Variants in LDLRAD3 observed in about 807,000 individuals in gnomAD.
LDLRAD3 encodes the protein low-density lipoprotein receptor class A domain-containing protein 3.
In LDLRAD3, 20 loss-of-function variants were observed where a neutral mutation model predicts 29.4. The observed-to-expected ratio is 0.68, with a 90% CI of 0.48 to 0.99. The LOEUF is 0.99. Ranked by LOEUF, LDLRAD3 falls within the 50% of genes least tolerant of loss-of-function variation. The pLI is 0.00. For missense variants in LDLRAD3, 420 were observed against 454.3 expected, an observed-to-expected ratio of 0.92 and a Z score of 0.69; for synonymous variants, 157 against 192.7, an observed-to-expected ratio of 0.81 and a Z score of 1.53.
At chr11:35,973,396 A>C (rs1851439566) in intron 1 of LDLRAD3, among the ~76,000 whole-genome samples, 1 of 152,146 alleles carries the variant, frequency 6.6e-6, no homozygotes, top group South Asian at 2.1e-4. Flanking sequence ...TGTCATTCTA[A>C]ATACCTGTAG....
In LDLRAD3 at chr11:36,158,867, G is replaced by A. The variant is rs1481197872; in HGVS notation, c.454+60406G>A. 2.0e-5 allele frequency among the ~76,000 whole-genome samples: 3 copies of A among 152,154 alleles called. No individual in the cohort carries two copies. The East Asian group carries it at 5.8e-4, about 29-fold the overall frequency. ...GTGTTGTAATCCATGTATACGTTGT[G>A]TAATGATCAAATCAGGGTAATTGGC... On this transcript the variant is annotated intron_variant, in intron 4 of 5. Transcript: ENST00000315571.
At chr11:35,953,529 G>T (rs183214815) in intron 1 of LDLRAD3, among the ~76,000 whole-genome samples, 2 of 152,288 alleles carry the variant, frequency 1.3e-5, no homozygotes, top group East Asian at 3.9e-4. Flanking sequence ...TGTCCTCTTT[G>T]ATGGCATTAC....
At chr11:36,129,434 A>G (rs553277231) in intron 4 of LDLRAD3, among the ~76,000 whole-genome samples, 107 of 152,276 alleles carry the variant, frequency 7.0e-4, no homozygotes, top group African/African-American at 2.5e-3. Flanking sequence ...TAGAAGGCCA[A>G]TATGAAAGTT....
intron 4 of LDLRAD3, among the ~76,000 whole-genome samples, chr11:36,129,991 T>C (rs547221362): frequency 3.3e-5 from 5 of 152,348 alleles, no homozygotes; most frequent in African/African-American, 1.2e-4. Context: ...TTGTTGTTCA[T>C]TGCAGTATCC....
chr11:36,171,805 G>C (rs60865182), intron 4 of LDLRAD3, among the ~76,000 whole-genome samples: 2,918 of 152,158 alleles, frequency 0.019, 94 homozygotes, highest in African/African-American at 0.067. Flanking sequence ...GGCTATGAGA[G>C]CTCTTTTTTG....
intron 1 of LDLRAD3, among the ~76,000 whole-genome samples, chr11:35,973,494 G>A (rs931695462): frequency 6.6e-6 from 1 of 152,052 alleles, no homozygotes; most frequent in African/African-American, 2.4e-5. Context: ...GTCTTACTCT[G>A]TCTCCCAGGC....
chr11:36,085,794 AT>A (rs1295034092), intron 3 of LDLRAD3, among the ~76,000 whole-genome samples: 1 of 150,886 alleles, frequency 6.6e-6, no homozygotes, highest in Admixed American at 6.6e-5. Context: ...TTTTTATTGT[AT>A]TTTTTGTAGA....
intron 2 of LDLRAD3, among the ~76,000 whole-genome samples, chr11:36,077,042 G>C (rs1252714752): frequency 2.0e-5 from 3 of 151,748 alleles, no homozygotes; most frequent in Non-Finnish European, 2.9e-5. Flanking sequence ...TTATTTTTGG[G>C]GTATATAAAA....
chr11:36,204,727 A>G (rs138867294), intron 4 of LDLRAD3, among the ~76,000 whole-genome samples: 42 of 152,226 alleles, frequency 2.8e-4, no homozygotes, highest in African/African-American at 9.6e-4. Context: ...GACTTCAGGT[A>G]ATCCACCTGC....
At chr11:36,097,031 G>T (rs1853371045) in intron 3 of LDLRAD3, among the ~76,000 whole-genome samples, 1 of 152,210 alleles carries the variant, frequency 6.6e-6, no homozygotes, top group East Asian at 1.9e-4. Flanking sequence ...GTTTTCTGTG[G>T]AGATTTGCTG....
chr11:35,946,202 GCCAGA>G (rs1851054678), intron 1 of LDLRAD3, among the ~76,000 whole-genome samples: 1 of 152,180 alleles, frequency 6.6e-6, no homozygotes, highest in Non-Finnish European at 1.5e-5. Context: ...GGGTTTCATA[GCCAGA>G]CCAGAGACCC....
chr11:36,061,497 T>A (rs4272764), intron 2 of LDLRAD3, among the ~76,000 whole-genome samples: 14,131 of 152,180 alleles, frequency 0.093, 877 homozygotes, highest in Admixed American at 0.15. Flanking sequence ...AGAAGGTGGT[T>A]TAATATGTCT....
At chr11:35,967,909 A>G (rs1851362472) in intron 1 of LDLRAD3, 2 of 390,280 alleles carry the variant, frequency 5.1e-6, no homozygotes, top group South Asian at 3.9e-5. Flanking sequence ...ATGTCCAAAC[A>G]CTGTATGAGC....
At chr11:36,156,248 T>A (rs776464230) in intron 4 of LDLRAD3, among the ~76,000 whole-genome samples, 1 of 152,220 alleles carries the variant, frequency 6.6e-6, no homozygotes, top group Non-Finnish European at 1.5e-5. Flanking sequence ...GCTTCAAGAT[T>A]GAATCCAAAG....
intron 3 of LDLRAD3, among the ~76,000 whole-genome samples, chr11:36,095,714 A>G (rs921862613): frequency 2.0e-5 from 3 of 152,232 alleles, no homozygotes; most frequent in Non-Finnish European, 4.4e-5. Context: ...AGTAGATGAC[A>G]GTAGTTTCAG....
chr11:35,968,354 C>T (rs930806166), intron 1 of LDLRAD3: 1 of 362,646 alleles, frequency 2.8e-6, no homozygotes, highest in African/African-American at 2.1e-5. Flanking sequence ...TAACGTCTGG[C>T]TCAGCGGGCT....
intron 4 of LDLRAD3, among the ~76,000 whole-genome samples, chr11:36,106,055 C>T (rs1416757786): frequency 2.6e-5 from 4 of 152,068 alleles, no homozygotes; most frequent in South Asian, 2.1e-4. Flanking sequence ...GGACAGTTGC[C>T]GGTAAAGAAT....
At chr11:35,951,065 T>G (rs1451564690) in intron 1 of LDLRAD3, among the ~76,000 whole-genome samples, 3 of 151,992 alleles carry the variant, frequency 2.0e-5, no homozygotes, top group South Asian at 4.2e-4. Flanking sequence ...CTGGGTGACA[T>G]AGTGAGACTC....
intron 1 of LDLRAD3, among the ~76,000 whole-genome samples, chr11:35,971,747 G>A (rs112403038): frequency 4.6e-5 from 7 of 152,312 alleles, no homozygotes; most frequent in African/African-American, 1.7e-4. Flanking sequence ...AGAATGGATA[G>A]GGGAGCAATA....
Sources: gnomAD v4.1 joint callset for allele counts (sites outside exome capture counted in the v4.1 genomes callset) on GRCh38, gnomAD v4.1.1 for gene constraint, MANE v1.5 for transcripts, NCBI Gene and HGNC (gene_info 2026-07-23, HGNC 2026-07-21) for gene names.